Variants in DCDC1 observed in about 807,000 individuals in gnomAD.
DCDC1 encodes the protein doublecortin domain containing 1.
A neutral mutation model predicts 178.3 loss-of-function variants in DCDC1; 200 were observed. The observed-to-expected ratio is 1.12, with a 90% confidence interval of 1.00 to 1.26. DCDC1 has a LOEUF of 1.26. Among genes scored for constraint, DCDC1 ranks in the 50% most tolerant of loss-of-function variants. The pLI, the probability that DCDC1 is intolerant of heterozygous loss-of-function variation, is 0.00. For missense variants in DCDC1, 1,983 were observed against 1,749.2 expected, an observed-to-expected ratio of 1.13 and a Z score of -2.38; for synonymous variants, 690 against 604.8, an observed-to-expected ratio of 1.14 and a Z score of -2.07.
At chr11:31,286,918 C>T (rs1384365098) in intron 7 of DCDC1, among the ~76,000 whole-genome samples, 1 of 151,976 alleles carries the variant, frequency 6.6e-6, no homozygotes, top group African/African-American at 2.4e-5. Flanking sequence ...ACTCTTAGCC[C>T]CCTTCTCCAC....
At chr11:30,870,696 C>T (rs166652) in intron 38 of DCDC1, among the ~76,000 whole-genome samples, 15,508 of 152,148 alleles carry the variant, frequency 0.1, 970 homozygotes, top group Admixed American at 0.19. Context: ...AGAAGTGTTA[C>T]TTAAGATCTC....
At chr11:30,878,328 C>T (rs573948333) in intron 38 of DCDC1, among the ~76,000 whole-genome samples, 1 of 152,050 alleles carries the variant, frequency 6.6e-6, no homozygotes, top group East Asian at 1.9e-4. Context: ...TGGTGCATGA[C>T]TGTAGTCCCA....
At chr11:30,884,744 A>G (rs1943014294) in intron 36 of DCDC1, among the ~76,000 whole-genome samples, 1 of 152,084 alleles carries the variant, frequency 6.6e-6, no homozygotes, top group Non-Finnish European at 1.5e-5. Flanking sequence ...GAAAAAAAGT[A>G]TACATAAGTC....
intron 20 of DCDC1, among the ~76,000 whole-genome samples, chr11:31,042,470 C>T (rs927172578): frequency 2.0e-5 from 3 of 152,154 alleles, no homozygotes; most frequent in Admixed American, 6.5e-5. Context: ...AAGATCTATA[C>T]AATTATTTCT....
At chr11:31,040,616 C>A (rs191773913) in intron 20 of DCDC1, among the ~76,000 whole-genome samples, 11 of 152,172 alleles carry the variant, frequency 7.2e-5, no homozygotes, top group Admixed American at 7.2e-4. Context: ...AAACAAAAGG[C>A]GTTTGCACCA....
chr11:31,331,070 G>A (rs1280822380), intron 2 of DCDC1, among the ~76,000 whole-genome samples: 2 of 152,014 alleles, frequency 1.3e-5, no homozygotes, highest in Non-Finnish European at 2.9e-5. Flanking sequence ...TTCTTTGAAC[G>A]GTGGTTTGTA....
intron 38 of DCDC1, among the ~76,000 whole-genome samples, chr11:30,877,076 G>A (rs902649318): frequency 6.6e-6 from 1 of 152,154 alleles, no homozygotes; most frequent in Non-Finnish European, 1.5e-5. Context: ...TGCTGTTGAT[G>A]TAACATGTGA....
intron 9 of DCDC1, among the ~76,000 whole-genome samples, chr11:31,144,154 A>G (rs971914606): frequency 6.6e-6 from 1 of 152,190 alleles, no homozygotes; most frequent in African/African-American, 2.4e-5. Flanking sequence ...TTTTTGAGAC[A>G]GGGTCTTTCT....
At chr11:31,232,031 G>C (rs1975833958) in intron 9 of DCDC1, among the ~76,000 whole-genome samples, 1 of 152,124 alleles carries the variant, frequency 6.6e-6, no homozygotes. Flanking sequence ...CTGAGACTGA[G>C]GAAGGTCTTC....
intron 9 of DCDC1, among the ~76,000 whole-genome samples, chr11:31,233,513 T>C (rs1976077581): frequency 6.6e-6 from 1 of 152,052 alleles, no homozygotes; most frequent in Admixed American, 6.6e-5. Flanking sequence ...GGTGGGGAGG[T>C]ACCCAAAAGA....
At chr11:31,189,188 T>G (rs141009721) in intron 9 of DCDC1, among the ~76,000 whole-genome samples, 135 of 152,236 alleles carry the variant, frequency 8.9e-4, no homozygotes, top group African/African-American at 3.2e-3. Context: ...GATAGTATGA[T>G]TAAGTTCTTC....
chr11:31,279,152 A>G (rs1208133414), intron 7 of DCDC1, among the ~76,000 whole-genome samples: 1 of 152,152 alleles, frequency 6.6e-6, no homozygotes, highest in Non-Finnish European at 1.5e-5. Flanking sequence ...TTTTCACTGT[A>G]TAAGTCTTGC....
chr11:31,214,383 G>C (rs760238236), intron 9 of DCDC1, among the ~76,000 whole-genome samples: 1 of 152,116 alleles, frequency 6.6e-6, no homozygotes, highest in Non-Finnish European at 1.5e-5. Flanking sequence ...TAATGTAAAA[G>C]TAGATTTAAA....
intron 9 of DCDC1, among the ~76,000 whole-genome samples, chr11:31,179,829 C>A (rs1177557574): frequency 6.6e-6 from 1 of 152,128 alleles, no homozygotes; most frequent in Non-Finnish European, 1.5e-5. Context: ...GACACAACAA[C>A]AACAACAACA....
chr11:31,343,082 A>G (rs1270293222), intron 1 of DCDC1, among the ~76,000 whole-genome samples: 1 of 152,146 alleles, frequency 6.6e-6, no homozygotes, highest in Non-Finnish European at 1.5e-5. Flanking sequence ...GTTGGACAAA[A>G]TGGCAAGACC....
chr11:31,208,036 G>C (rs1354416485), intron 9 of DCDC1, among the ~76,000 whole-genome samples: 1 of 152,042 alleles, frequency 6.6e-6, no homozygotes, highest in East Asian at 1.9e-4. Context: ...TCAGCCACTG[G>C]ACATTGCAGA....
chr11:30,950,104 G>T (rs1215728452), intron 21 of DCDC1, among the ~76,000 whole-genome samples: 1 of 152,104 alleles, frequency 6.6e-6, no homozygotes, highest in Non-Finnish European at 1.5e-5. Context: ...CTAATCATCA[G>T]ATAAATGAAA....
At chr11:30,916,845 A>C (rs1469143814) in intron 26 of DCDC1, 25 bp downstream of exon 26, 1 of 1,575,884 alleles carries the variant, frequency 6.3e-7, no homozygotes, top group Non-Finnish European at 8.6e-7. Context: ...GAAATCTTTA[A>C]GAGGAATCCT....
At chr11:31,119,412 C>T (rs1334323431) in intron 11 of DCDC1, among the ~76,000 whole-genome samples, 1 of 152,068 alleles carries the variant, frequency 6.6e-6, no homozygotes, top group Non-Finnish European at 1.5e-5. Context: ...CCATTGTTTA[C>T]TCAAATAATT....
Sources: gnomAD v4.1 joint callset for allele counts (sites outside exome capture counted in the v4.1 genomes callset) on GRCh38, gnomAD v4.1.1 for gene constraint, MANE v1.5 for transcripts, NCBI Gene and HGNC (gene_info 2026-07-23, HGNC 2026-07-21) for gene names.